CDH23: variants seen among roughly 807,000 people sequenced by gnomAD.
CDH23 encodes the protein cadherin-23.
Under a neutral mutation model 317.1 loss-of-function variants are expected in CDH23, and 189 were observed. The ratio of observed to expected loss-of-function variants is 0.60; its 90% confidence interval spans 0.53 to 0.67. The LOEUF (loss-of-function observed/expected upper bound fraction) is 0.67, where lower values mean the gene tolerates loss of function less well. Among genes scored for constraint, CDH23 ranks in the 30% least tolerant of loss-of-function variants. The pLI is 0.00. For synonymous variants in CDH23, 1,839 were observed against 1,876.8 expected, an observed-to-expected ratio of 0.98 and a Z score of 0.52; for missense variants, 4,401 against 4,592.4, an observed-to-expected ratio of 0.96 and a Z score of 1.20.
rs10823825 is a variant in CDH23 at position 71,694,880 on chromosome 10, T to C, written c.2290-538T>C. ...CCTCAAAACTGTGGCCCTCACCCAGTCTGCAGCAGCCACCCCATCCTTACC... is the reference window on the plus strand; with the variant it reads ...CCTCAAAACTGTGGCCCTCACCCAGCCTGCAGCAGCCACCCCATCCTTACC... On this transcript the variant is annotated intron_variant, in intron 21 of 69. Coordinates refer to ENST00000224721, the MANE Select transcript of CDH23 (RefSeq NM_022124.6). Among the ~76,000 whole-genome samples, 48,135 of 152,074 alleles carry C rather than the reference T, an allele frequency of 0.32. 8,520 individuals carry two copies. Among genetic ancestry groups the C allele is most frequent in the East Asian group, 0.42 (2,190 of 5,164 alleles).
In CDH23 at chr10:71,811,403, GT is replaced by G. The variant is rs2133001560; in HGVS notation, c.9167del (p.Val3056AlafsTer31). On this transcript the variant is annotated frameshift_variant, in exon 63 of 70. Transcript: ENST00000224721. LOFTEE classifies it high-confidence loss of function. The part of the protein sequence containing the change: ...NVLDVQPAIS[V>X]RLPDDMSALQ... ...CCTGGACGTGCAGCCTGCCATCTCT[GT>G]CCGGCTGCCGGATGACATGTCTGCC... 6.2e-7 allele frequency: 1 copy of G among 1,614,000 alleles called. No individual in the cohort carries two copies. Among genetic ancestry groups the G allele is most frequent in the Non-Finnish European group, 8.5e-7 (1 of 1,179,902 alleles).
chr10:71,701,590 T>C (rs977009153), intron 22 of CDH23, among the ~76,000 whole-genome samples: 1 of 151,894 alleles, frequency 6.6e-6, no homozygotes, highest in Non-Finnish European at 1.5e-5. Flanking sequence ...ACCCTCTCCT[T>C]CCTTAACACT....
At chr10:71,742,255 A>T (rs1839757748) in intron 38 of CDH23, among the ~76,000 whole-genome samples, 1 of 152,182 alleles carries the variant, frequency 6.6e-6, no homozygotes, top group Non-Finnish European at 1.5e-5. Flanking sequence ...GTGGGTATGA[A>T]TCTAGCCCCC....
intron 14 of CDH23, among the ~76,000 whole-genome samples, chr10:71,659,655 T>C (rs1158433319): frequency 6.6e-6 from 1 of 152,238 alleles, no homozygotes; most frequent in Non-Finnish European, 1.5e-5. Context: ...ACACATGTAA[T>C]AATACACTCT....
At chr10:71,809,613 GTGA>G (rs1012304520) in intron 60 of CDH23, among the ~76,000 whole-genome samples, 1 of 151,440 alleles carries the variant, frequency 6.6e-6, no homozygotes, top group Non-Finnish European at 1.5e-5. Flanking sequence ...GCACTCCCCT[GTGA>G]TGATAACCGG....
intron 3 of CDH23, among the ~76,000 whole-genome samples, chr10:71,485,023 C>CTTTTTTTTTTTTTTTT (rs56153129): frequency 9.1e-6 from 1 of 110,152 alleles, no homozygotes; most frequent in African/African-American, 3.6e-5. Flanking sequence ...TTTCTTTTTT[C>CTTTTTTTTTTTTTTTT]TTTTTTTTTT....
intron 14 of CDH23, 42 bp from the exon 15 acceptor site, chr10:71,675,070 G>A: frequency 1.3e-6 from 2 of 1,588,488 alleles, no homozygotes; most frequent in Non-Finnish European, 1.7e-6. Context: ...TGAAGCCTCA[G>A]CTGGGCCTGG....
At chr10:71,648,754 C>T (rs1031428182) in intron 14 of CDH23, among the ~76,000 whole-genome samples, 3 of 152,170 alleles carry the variant, frequency 2.0e-5, no homozygotes, top group African/African-American at 7.2e-5. Flanking sequence ...TGAGCTCAGC[C>T]TCCTCTGTGA....
intron 9 of CDH23, among the ~76,000 whole-genome samples, chr10:71,599,501 C>T (rs1174825285): frequency 6.6e-6 from 1 of 152,016 alleles, no homozygotes; most frequent in Admixed American, 6.5e-5. Flanking sequence ...CTGGGATTTC[C>T]TCTGTTAACA....
rs11592462 is a variant in CDH23, at chr10:71,790,360, C to G, written c.5996C>G (p.Thr1999Ser). 0.46 allele frequency: 749,448 copies of G among 1,613,008 alleles called. 179,488 individuals carry two copies. The highest frequency in any genetic ancestry group is 0.52 in the South Asian group (47,129 of 91,032). ...GACCAAGACATCTACGCCGTGGTGA[C>G]CTACCAGCTGCTGGGTGCCCAGAGT... ...DADQDIYAVV[T>S]YQLLGAQSGL... Residue 1999 changes from threonine to serine, a missense_variant, in exon 46 of 70, where the codon ACC (threonine) becomes AGC (serine). Physicochemically the swap from Thr to Ser is moderately conservative, Grantham distance 58 (BLOSUM62 1). This residue lies in a region of CDH23 where 3,068 missense variants were observed against 3,203.3 expected (regional missense o/e 0.96). Coordinates refer to ENST00000224721, the MANE Select transcript of CDH23 (RefSeq NM_022124.6).
At chr10:71,709,029 C>A (rs963953227) in intron 26 of CDH23, 69 bp from the exon 27 acceptor site, 4 of 1,412,716 alleles carry the variant, frequency 2.8e-6, no homozygotes, top group Admixed American at 3.5e-5. Flanking sequence ...AGCTCAGGAG[C>A]AGAGTCCCCG....
At chr10:71,697,002 C>A (rs1865415785) in intron 22 of CDH23, among the ~76,000 whole-genome samples, 1 of 152,230 alleles carries the variant, frequency 6.6e-6, no homozygotes, top group Admixed American at 6.5e-5. Flanking sequence ...CTGGTCAACC[C>A]TCACCTTTCC....
intron 6 of CDH23, among the ~76,000 whole-genome samples, chr10:71,534,561 C>T (rs965943096): frequency 6.6e-6 from 1 of 152,206 alleles, no homozygotes; most frequent in African/African-American, 2.4e-5. Context: ...TCAGAAGAAT[C>T]CTGCCAGCTT....
chr10:71,577,942 T>A lies in CDH23; in HGVS notation c.782T>A (p.Ile261Lys). 6.2e-7 allele frequency: 1 copy of A among 1,605,552 alleles called. No homozygotes were observed. The highest frequency in any genetic ancestry group is 8.5e-7 in the Non-Finnish European group (1 of 1,176,172). Reference protein sequence around the residue: ...PGTTVRIITAIDQDKGRPRGI... With the variant: ...PGTTVRIITAKDQDKGRPRGI... ...ACGACGGTGCGCATCATCACCGCCA[T>A]AGACCAGGATAAAGGACGTCCCCGG... The change falls in exon 9 of 70, where the codon ATA (isoleucine) becomes AAA (lysine). Residue 261 changes from isoleucine to lysine, a missense_variant. By Grantham distance (102) the Ile-to-Lys change is moderately radical. Around this residue, in one of 3 missense-constraint regions of CDH23, gnomAD observed 3,068 missense variants for 3,203.3 expected, o/e 0.96. Transcript: ENST00000224721.
At position 71,595,962 on chromosome 10, in the gene CDH23, C is replaced by T. The variant is rs117325730; in HGVS notation, c.832+17970C>T. 2.6e-5 allele frequency among the ~76,000 whole-genome samples: 4 copies of T among 152,284 alleles called. No individual in the cohort carries two copies. The East Asian group carries it at 7.7e-4, about 29-fold the overall frequency. ...TTACCTCTCCAGGGAAACTGAAGCC[C>T]ACACCAACTGACTTTCCTCCATGGT... is the stretch of plus-strand genomic sequence containing the variant. On this transcript the variant is annotated intron_variant, in intron 9 of 69. Coordinates refer to ENST00000224721, the MANE Select transcript of CDH23 (RefSeq NM_022124.6).
chr10:71,540,834 C>T (rs975732776), intron 6 of CDH23, among the ~76,000 whole-genome samples: 1 of 152,122 alleles, frequency 6.6e-6, no homozygotes, highest in Non-Finnish European at 1.5e-5. Flanking sequence ...GCCGATCAGG[C>T]TGGAGCTAAG....
At chr10:71,648,673 C>T (rs1863019367) in intron 14 of CDH23, among the ~76,000 whole-genome samples, 1 of 152,226 alleles carries the variant, frequency 6.6e-6, no homozygotes, top group Non-Finnish European at 1.5e-5. Context: ...CGCTGGGGAG[C>T]AGGCTTTGGT....
At chr10:71,570,654 A>G (rs144688451) in intron 7 of CDH23, 136 bp from the exon 8 acceptor site, 3 of 928,862 alleles carry the variant, frequency 3.2e-6, no homozygotes, top group East Asian at 2.9e-5. Context: ...GTGCAAGAGC[A>G]TGGGTGTGTG....
intron 3 of CDH23, among the ~76,000 whole-genome samples, chr10:71,471,818 T>G (rs972742408): frequency 6.6e-6 from 1 of 152,198 alleles, no homozygotes; most frequent in African/African-American, 2.4e-5. Context: ...CCCGGAAGCT[T>G]TGCTGGGATT....
Sources: gnomAD v4.1 joint callset for allele counts (sites outside exome capture counted in the v4.1 genomes callset) on GRCh38, gnomAD v4.1.1 for gene constraint, gnomAD v4.1.1 regional missense constraint, MANE v1.5 for transcripts, NCBI Gene and HGNC (gene_info 2026-07-23, HGNC 2026-07-21) for gene names.